Variants in SLC10A6 observed in about 807,000 individuals in gnomAD.
The protein encoded by SLC10A6 is solute carrier family 10 member 6.
SLC10A6 carries 27 observed loss-of-function variants against 30.0 expected under a neutral mutation model. That is an observed-to-expected ratio of 0.90 (90% CI 0.66 to 1.24). SLC10A6 has a LOEUF of 1.24. Ranked by LOEUF, SLC10A6 falls within the 50% of genes most tolerant of loss-of-function variation. The pLI is 0.00. For synonymous variants in SLC10A6, 166 were observed against 173.8 expected (o/e 0.95, Z 0.36); for missense variants, 439 against 457.0 (o/e 0.96, Z 0.36).
At chr4:86,844,204 A>C (rs1746355519) in intron 1 of SLC10A6, among the ~76,000 whole-genome samples, 1 of 152,172 alleles carries the variant, frequency 6.6e-6, no homozygotes. Flanking sequence ...AAAATTAAAA[A>C]ATAGAAGTAA....
rs554846008 is a variant in SLC10A6 at position 86,833,392 on chromosome 4, G to A, written c.410C>T (p.Ala137Val). Residue 137 changes from alanine to valine, a missense_variant, in exon 2 of 6, where the codon GCC (alanine) becomes GTC (valine). Ala to Val is a moderately conservative substitution (Grantham distance 64, BLOSUM62 0). Transcript: ENST00000273905. ...AATGCAGAGTGGCATCATTCCCAGG[G>A]CGGCCACGGTGGAACAGGTTGTCAT... ...ISMTTCSTVA[A>V]LGMMPLCIYL... 12 of 1,614,020 alleles carry A rather than the reference G, an allele frequency of 7.4e-6. No homozygotes were observed. The South Asian group carries it at 1.2e-4, about 16-fold the overall frequency.
chr4:86,837,315 A>AAGGGAGGGAGGGAGGG (rs1746215409), intron 1 of SLC10A6, among the ~76,000 whole-genome samples: 1 of 143,670 alleles, frequency 7.0e-6, no homozygotes, highest in East Asian at 2.0e-4. Context: ...GGAAGGAAGG[A>AAGGGAGGGAGGGAGGG]AGGAAGGAAG....
Position 86,831,897 on chromosome 4 carries a change from T to C in SLC10A6, c.497-17A>G. 6.2e-7 allele frequency: 1 copy of C among 1,602,994 alleles called. No homozygotes were observed. The highest frequency in any genetic ancestry group is 1.3e-5 in the African/African-American group (1 of 74,528). On this transcript the variant is annotated splice_polypyrimidine_tract_variant and intron_variant, in intron 2 of 5. Transcript: ENST00000273905. Reference sequence around the variant, plus strand: ...GGGTAATTCCTAAAGAGAAGAAAAATCCATGAGAGGGTTTTCCCTCTCACC... The same window carrying C: ...GGGTAATTCCTAAAGAGAAGAAAAACCCATGAGAGGGTTTTCCCTCTCACC...
chr4:86,829,995 T>A (rs997566240), intron 3 of SLC10A6, among the ~76,000 whole-genome samples: 1 of 152,168 alleles, frequency 6.6e-6, no homozygotes, highest in African/African-American at 2.4e-5. Flanking sequence ...AAAGATAGAG[T>A]ACTTGAAAAG....
At position 86,848,751 on chromosome 4, in the gene SLC10A6, T is replaced by A; in HGVS notation, c.365A>T (p.Asp122Val). The change falls in exon 1 of 6, where the codon GAT becomes GTT. Residue 122 changes from aspartate to valine, a missense_variant. Asp to Val is a radical substitution (Grantham distance 152). Transcript: ENST00000273905. The part of the protein sequence containing the change: ...SNIFTFWVDG[D>V]MDLSISMTTC... The stretch of plus-strand genomic sequence containing the variant: ...TGGGGTTACTTACCTGAGATCCATA[T>A]CTCCATCAACCCAGAAGGTGAAAAT... 2 of 1,588,496 alleles carry A rather than the reference T, an allele frequency of 1.3e-6. No individual in the cohort carries two copies. Among genetic ancestry groups the A allele is most frequent in the Admixed American group, 1.7e-5 (1 of 57,190 alleles).
At chr4:86,835,032 C>A (rs1204546784) in intron 1 of SLC10A6, among the ~76,000 whole-genome samples, 1 of 152,218 alleles carries the variant, frequency 6.6e-6, no homozygotes, top group Non-Finnish European at 1.5e-5. Flanking sequence ...AGCCTCCCAC[C>A]AGGCCCCACC....
At chr4:86,835,927 G>T (rs1287132254) in intron 1 of SLC10A6, among the ~76,000 whole-genome samples, 2 of 147,586 alleles carry the variant, frequency 1.4e-5, no homozygotes, top group East Asian at 4.3e-4. Context: ...GGTGATAGTG[G>T]GACATCCAGT....
Position 86,842,717 on chromosome 4 carries a change from G to A in SLC10A6, c.377+6022C>T, listed in dbSNP as rs75470195. ...TGTCTCAAAAAAAAAAAAAAGAAAA[G>A]AAAAGAAAAGAAAAGAAAAGACAAG... On this transcript the variant is annotated intron_variant, in intron 1 of 5. Coordinates refer to ENST00000273905, the MANE Select transcript of SLC10A6 (RefSeq NM_197965.3). Among the ~76,000 whole-genome samples, 200 of 65,386 alleles carry A rather than the reference G, an allele frequency of 3.1e-3. 41 individuals are homozygous for A. Among genetic ancestry groups the A allele is most frequent in the African/African-American group, 0.011 (61 of 5,432 alleles). 42.9% of individuals were successfully genotyped at this position (65,386 alleles called of 152,430 possible).
chr4:86,842,866 CTTTCTTTCTTTT>C, intron 1 of SLC10A6, among the ~76,000 whole-genome samples: 1 of 45,486 alleles, frequency 2.2e-5, no homozygotes, highest in South Asian at 5.8e-4. Flanking sequence ...TTCTTTCTTT[CTTTCTTTCTTTT>C]TTTTTTTGAG....
intron 1 of SLC10A6, among the ~76,000 whole-genome samples, chr4:86,842,997 G>A (rs1309283513): frequency 1.3e-5 from 2 of 151,402 alleles, no homozygotes; most frequent in Non-Finnish European, 1.5e-5. Flanking sequence ...TCAGTCTCCT[G>A]AGTAGCTGGC....
chr4:86,831,664 A>T (rs1467170568), intron 3 of SLC10A6, 128 bp downstream of exon 3: 1 of 738,072 alleles, frequency 1.4e-6, no homozygotes, highest in Non-Finnish European at 2.3e-6. Context: ...AAACCACAGG[A>T]TGTGTAAGAA....
rs868256009 is a variant in SLC10A6 at position 86,828,102 on chromosome 4, C to T, written c.652G>A (p.Gly218Arg). 2 of 1,613,840 alleles carry T rather than the reference C, an allele frequency of 1.2e-6. No individual in the cohort carries two copies. The highest frequency in any genetic ancestry group is 8.5e-7 in the Non-Finnish European group (1 of 1,179,874). The part of the protein sequence containing the change: ...VAVAGVVLAK[G>R]SWNSDITLLT... ...AGGGTGATGTCTGAATTCCAAGATCCTTTCGCCAGGACCACACCAGCAACT... is the reference window on the plus strand; with the variant it reads ...AGGGTGATGTCTGAATTCCAAGATCTTTTCGCCAGGACCACACCAGCAACT... The change falls in exon 4 of 6, where the codon GGA (glycine) becomes AGA (arginine). Residue 218 changes from glycine to arginine, a missense_variant. Transcript: ENST00000273905.
In SLC10A6 at chr4:86,848,944, GCTTCC is replaced by G. The variant is rs1560463520; in HGVS notation, c.167_171del (p.Arg56ProfsTer32). On this transcript the variant is annotated frameshift_variant, in exon 1 of 6. Coordinates refer to ENST00000273905, the MANE Select transcript of SLC10A6 (RefSeq NM_197965.3). LOFTEE classifies it high-confidence loss of function. ...CAGGGTCTCCTGATGTGCGACCACA[GCTTCC>G]GGATCTCCACGGAACATCCCAAAGA... is the stretch of plus-strand genomic sequence containing the variant. 6.2e-7 allele frequency: 1 copy of G among 1,613,852 alleles called. No individual in the cohort carries two copies. Among genetic ancestry groups the G allele is most frequent in the East Asian group, 2.2e-5 (1 of 44,816 alleles).
chr4:86,831,771 A>G (rs1308606020), intron 3 of SLC10A6, 21 bp downstream of exon 3: 1 of 1,601,590 alleles, frequency 6.2e-7, no homozygotes, highest in African/African-American at 1.3e-5. Flanking sequence ...ACGTGCCAAC[A>G]GTGGCCATGA....
intron 5 of SLC10A6, among the ~76,000 whole-genome samples, chr4:86,824,492 T>C (rs1745942447): frequency 2.0e-5 from 3 of 152,128 alleles, no homozygotes; most frequent in Admixed American, 2.0e-4. Flanking sequence ...AATCATTGAG[T>C]CTTACTCAGA....
In SLC10A6 at chr4:86,837,281, A is replaced by AAGAAAGAAAGAAAGAGAG. The variant is rs34533020; in HGVS notation, c.378-3858_378-3857insCTCTCTTTCTTTCTTTCT. On this transcript the variant is annotated intron_variant, in intron 1 of 5. Transcript: ENST00000273905. ...AAAGAAAGAAAGAAAGAAAGAAAGA[A>AAGAAAGAAAGAAAGAGAG]AGAAAAAGAAAGGAAGGAAGGAAGG... 1.7e-3 allele frequency among the ~76,000 whole-genome samples: 157 copies of AAGAAAGAAAGAAAGAGAG among 90,348 alleles called. 9 individuals are homozygous for AAGAAAGAAAGAAAGAGAG. The highest frequency in any genetic ancestry group is 7.2e-3 in the African/African-American group (142 of 19,738). 59.3% of individuals were successfully genotyped at this position (90,348 alleles called of 152,430 possible).
chr4:86,838,285 C>G (rs1379834210), intron 1 of SLC10A6, among the ~76,000 whole-genome samples: 1 of 152,168 alleles, frequency 6.6e-6, no homozygotes, highest in African/African-American at 2.4e-5. Context: ...GAATTATACA[C>G]ATGCTGTACC....
At chr4:86,848,357 C>T (rs186922494) in intron 1 of SLC10A6, among the ~76,000 whole-genome samples, 7 of 152,282 alleles carry the variant, frequency 4.6e-5, no homozygotes, top group Admixed American at 1.3e-4. Context: ...GACACAACCA[C>T]GACGGCTGCT....
At chr4:86,826,779 G>A (rs1355452435) in intron 4 of SLC10A6, among the ~76,000 whole-genome samples, 2 of 152,128 alleles carry the variant, frequency 1.3e-5, no homozygotes, top group Non-Finnish European at 2.9e-5. Context: ...GTTGAGGGCT[G>A]AGTTAAGCAG....
Sources: gnomAD v4.1 joint callset for allele counts (sites outside exome capture counted in the v4.1 genomes callset) on GRCh38, gnomAD v4.1.1 for gene constraint, MANE v1.5 for transcripts, NCBI Gene and HGNC (gene_info 2026-07-23, HGNC 2026-07-21) for gene names.